ASB2: variants seen among roughly 807,000 people sequenced by gnomAD.
ASB2 encodes ankyrin repeat and SOCS box protein 2.
Under a neutral mutation model 62.4 loss-of-function variants are expected in ASB2, and 58 were observed. That is an observed-to-expected ratio of 0.93 (90% CI 0.75 to 1.16). ASB2 has a LOEUF of 1.16. Among genes scored for constraint, ASB2 ranks in the 50% most tolerant of loss-of-function variants. The pLI is 0.00. For missense variants in ASB2, 928 were observed against 887.9 expected (o/e 1.05, Z -0.57); for synonymous variants, 386 against 385.3 (o/e 1.00, Z -0.02).
intron 2 of ASB2, among the ~76,000 whole-genome samples, chr14:93,962,216 A>G (rs59425711): frequency 0.51 from 72,595 of 142,682 alleles, 19,300 homozygotes; most frequent in East Asian, 0.97. Flanking sequence ...CCGGGTTCAC[A>G]CCATTCTCCT....
chr14:93,953,086 G>A (rs999226204), intron 5 of ASB2, among the ~76,000 whole-genome samples: 1 of 152,192 alleles, frequency 6.6e-6, no homozygotes, highest in Non-Finnish European at 1.5e-5. Context: ...CTGTGTGTGG[G>A]TGCCTACAGG....
intron 7 of ASB2, among the ~76,000 whole-genome samples, chr14:93,941,992 G>A (rs916076935): frequency 6.6e-6 from 1 of 152,230 alleles, no homozygotes; most frequent in African/African-American, 2.4e-5. Context: ...CAGAAGGTGG[G>A]TGGTGCACAA....
intron 1 of ASB2, among the ~76,000 whole-genome samples, chr14:93,971,639 G>A (rs1316537325): frequency 1.3e-5 from 2 of 152,122 alleles, no homozygotes; most frequent in Non-Finnish European, 2.9e-5. Flanking sequence ...GGTATGGGGA[G>A]AATCATAACC....
At chr14:93,974,952 G>T (rs946493913) in intron 1 of ASB2, among the ~76,000 whole-genome samples, 2 of 152,240 alleles carry the variant, frequency 1.3e-5, no homozygotes, top group Non-Finnish European at 2.9e-5. Context: ...GCCTGTTTGT[G>T]CAAGAACAGA....
At chr14:93,937,892 C>T (rs1203135515) in intron 8 of ASB2, 41 bp from the exon 9 acceptor site, 6 of 1,563,944 alleles carry the variant, frequency 3.8e-6, no homozygotes, top group South Asian at 2.3e-5. Context: ...GAGTTCATCC[C>T]ACCTGCAAGA....
At chr14:93,959,029 G>T (rs1473352914) in intron 2 of ASB2, among the ~76,000 whole-genome samples, 1 of 152,186 alleles carries the variant, frequency 6.6e-6, no homozygotes, top group Non-Finnish European at 1.5e-5. Context: ...TAACAACTGT[G>T]CAGGGCAAAT....
chr14:93,941,827 T>C (rs906215696), intron 7 of ASB2: 32 of 392,456 alleles, frequency 8.2e-5, no homozygotes, highest in African/African-American at 5.2e-4. Flanking sequence ...GTCTCAGTTA[T>C]GTGGTGAATC....
intron 7 of ASB2, 148 bp from the exon 8 acceptor site, chr14:93,939,820 C>T: frequency 3.4e-6 from 2 of 590,040 alleles, no homozygotes; most frequent in Non-Finnish European, 5.4e-6. Context: ...GCAGGGGGCG[C>T]CGCGGGTCAA....
At chr14:93,944,082 C>T (rs529445729) in intron 7 of ASB2, 276 of 448,456 alleles carry the variant, frequency 6.2e-4, no homozygotes, top group Non-Finnish European at 1.1e-3. Flanking sequence ...TAAAATCTCC[C>T]GGGCAGCTCT....
chr14:93,973,668 T>C (rs1015229097), intron 1 of ASB2, among the ~76,000 whole-genome samples: 1 of 152,214 alleles, frequency 6.6e-6, no homozygotes, highest in African/African-American at 2.4e-5. Context: ...GAAGGGCCCT[T>C]CTGCTGCCTC....
At chr14:93,936,336 T>C (rs929438076) in intron 9 of ASB2, among the ~76,000 whole-genome samples, 5 of 152,248 alleles carry the variant, frequency 3.3e-5, no homozygotes, top group East Asian at 3.8e-4. Flanking sequence ...CACTAAGGTC[T>C]CTGCAGGGAT....
At chr14:93,957,724 C>G (rs942559115) in intron 2 of ASB2, among the ~76,000 whole-genome samples, 13 of 152,146 alleles carry the variant, frequency 8.5e-5, no homozygotes, top group African/African-American at 3.1e-4. Flanking sequence ...CCTCAGTTTT[C>G]CCGACCCACC....
intron 1 of ASB2, among the ~76,000 whole-genome samples, chr14:93,971,000 G>A (rs1012001024): frequency 1.3e-5 from 2 of 152,208 alleles, no homozygotes; most frequent in Non-Finnish European, 2.9e-5. Context: ...CAGAAAGTGG[G>A]TGAAACAGCC....
At chr14:93,944,260 C>A (rs1888640819) in intron 7 of ASB2, 1 of 209,562 alleles carries the variant, frequency 4.8e-6, no homozygotes, top group Non-Finnish European at 1.0e-5. Context: ...CTTAATACGT[C>A]TATCTTTGGT....
At position 93,957,919 on chromosome 14, in the gene ASB2, T is replaced by C. The variant is rs570146941; in HGVS notation, c.207-1049A>G. On this transcript the variant is annotated intron_variant, in intron 2 of 9. Transcript: ENST00000555019. ...TTTCACCACACTCTTCTGGGGGGGA[T>C]TGGGGAGGACTCTGCTACCAGTGAC... Among the ~76,000 whole-genome samples the C allele has an allele frequency of 8.4e-4, 127 of 152,000 alleles. 1 individual carries two copies. Among genetic ancestry groups the C allele is most frequent in the Admixed American group, 2.4e-3 (36 of 15,286 alleles).
chr14:93,959,959 C>T (rs1889351978), intron 2 of ASB2, among the ~76,000 whole-genome samples: 1 of 150,552 alleles, frequency 6.6e-6, no homozygotes, highest in African/African-American at 2.5e-5. Context: ...GTCCACCCCA[C>T]ACCCGCCACT....
rs535151524 is a variant in ASB2, at chr14:93,950,764, A to AC, written c.880+234dup. Among the ~76,000 whole-genome samples, 7 of 145,426 alleles carry AC rather than the reference A, an allele frequency of 4.8e-5. No individual in the cohort carries two copies. The East Asian group carries it at 8.1e-4, about 17-fold the overall frequency. On this transcript the variant is annotated intron_variant, in intron 6 of 9. Transcript: ENST00000555019. ...GGCAAATAGGTGGTCCGTGGGCCAG[A>AC]CCCCCCCATATTTGTTCTAATGGCA...
intron 7 of ASB2, among the ~76,000 whole-genome samples, chr14:93,945,635 C>T (rs1888696253): frequency 1.3e-5 from 2 of 152,168 alleles, no homozygotes; most frequent in Non-Finnish European, 2.9e-5. Context: ...GATCTGTCAG[C>T]CTTGTGGACA....
intron 1 of ASB2, 133 bp from the exon 2 acceptor site, chr14:93,964,745 A>T: frequency 1.7e-6 from 1 of 602,824 alleles, no homozygotes; most frequent in African/African-American, 2.0e-5. Flanking sequence ...CACATGACCC[A>T]CCTAACCACC....
Sources: allele counts gnomAD v4.1 joint callset (sites outside exome capture counted in the v4.1 genomes callset), GRCh38; gene constraint gnomAD v4.1.1; transcripts MANE v1.5; gene names NCBI Gene and HGNC (gene_info 2026-07-23, HGNC 2026-07-21).